ERICH5: variants seen among roughly 807,000 people sequenced by gnomAD.
The protein encoded by ERICH5 is glutamate-rich protein 5.
ERICH5 carries 24 observed loss-of-function variants against 28.0 expected under a neutral mutation model. The observed-to-expected ratio is 0.86, with a 90% CI of 0.62 to 1.21. The LOEUF is 1.21. ERICH5 is among the 50% of genes most tolerant of loss of function. The pLI is 0.00. For synonymous variants in ERICH5, 163 were observed against 157.6 expected (o/e 1.03, Z -0.25); for missense variants, 421 against 441.2 (o/e 0.95, Z 0.41).
chr8:98,084,816 A>G (rs546653217), intron 1 of ERICH5, among the ~76,000 whole-genome samples: 16 of 152,232 alleles, frequency 1.1e-4, no homozygotes, highest in South Asian at 1.0e-3. Flanking sequence ...AACTGTACAT[A>G]TTTATAGTGT....
rs1196774819 is a variant in ERICH5, at chr8:98,091,887, TCTTTCTTTCTTTC to T, written c.1013-1320_1013-1308del. On this transcript the variant is annotated intron_variant, in intron 2 of 2. Transcript: ENST00000318528. ...TTCTTTCTTTCTTTCTTTCTTTCTTTCTTTCTTTCTTTCCTTTCTTTCTTTCTTTCTTCCTTTC... is the reference window on the plus strand; with the variant it reads ...TTCTTTCTTTCTTTCTTTCTTTCTTTCTTTCTTTCTTTCTTTCTTCCTTTC... 1.2e-3 allele frequency among the ~76,000 whole-genome samples: 105 copies of T among 84,408 alleles called. 2 individuals are homozygous for T. The highest frequency in any genetic ancestry group is 4.8e-3 in the African/African-American group (94 of 19,388). 55.4% of individuals were successfully genotyped at this position (84,408 alleles called of 152,430 possible).
intron 1 of ERICH5, among the ~76,000 whole-genome samples, chr8:98,088,325 A>G (rs1815316423): frequency 6.6e-6 from 1 of 152,232 alleles, no homozygotes; most frequent in Admixed American, 6.5e-5. Context: ...TCTGAGATCA[A>G]TATGAAGGAG....
At chr8:98,064,945 C>T (rs910850621) in intron 1 of ERICH5, among the ~76,000 whole-genome samples, 1 of 152,322 alleles carries the variant, frequency 6.6e-6, no homozygotes, top group East Asian at 1.9e-4. Flanking sequence ...GTGCGCTCCG[C>T]GGCGCTCGCT....
At chr8:98,078,338 G>A (rs1355097898) in intron 1 of ERICH5, among the ~76,000 whole-genome samples, 3 of 152,162 alleles carry the variant, frequency 2.0e-5, no homozygotes, top group South Asian at 2.1e-4. Context: ...GGGTTGACTC[G>A]TGCTACATTC....
chr8:98,085,135 CCTTTTTTTTTTTTTTTTTTTTTT>C (rs1815250196), intron 1 of ERICH5, among the ~76,000 whole-genome samples: 1 of 109,196 alleles, frequency 9.2e-6, no homozygotes, highest in African/African-American at 3.1e-5. Flanking sequence ...CGTTCCACAG[CCTTTTTTTTTTTTTTTTTTTTTT>C]TTTTTTTTTT....
Position 98,087,159 on chromosome 8 carries a change from T to A in ERICH5, c.59-1917T>A, listed in dbSNP as rs568003911. 3.9e-5 allele frequency among the ~76,000 whole-genome samples: 6 copies of A among 152,014 alleles called. No homozygotes were observed. The South Asian group carries it at 1.2e-3, about 32-fold the overall frequency. On this transcript the variant is annotated intron_variant, in intron 1 of 2. Coordinates refer to ENST00000318528, the MANE Select transcript of ERICH5 (RefSeq NM_173549.3). ...GGAGTTTGAGATCAGCCTGGGCAAC[T>A]CGAACCACGTGGGACCACATCTCTA... is the stretch of plus-strand genomic sequence containing the variant.
At chr8:98,085,847 CAT>C (rs1046736538) in intron 1 of ERICH5, among the ~76,000 whole-genome samples, 1 of 152,150 alleles carries the variant, frequency 6.6e-6, no homozygotes, top group African/African-American at 2.4e-5. Flanking sequence ...ACACTCAACT[CAT>C]GTGTGACTTC....
chr8:98,073,762 C>T (rs573954389), intron 1 of ERICH5, among the ~76,000 whole-genome samples: 250 of 150,400 alleles, frequency 1.7e-3, no homozygotes, highest in African/African-American at 3.6e-3. Context: ...AGGCTGGCCT[C>T]GAACTCCTGA....
intron 1 of ERICH5, among the ~76,000 whole-genome samples, chr8:98,079,074 T>C (rs1815116922): frequency 6.6e-6 from 1 of 151,890 alleles, no homozygotes; most frequent in Admixed American, 6.6e-5. Context: ...AGCCACCAAG[T>C]TGTGCTTAAT....
At position 98,080,795 on chromosome 8, in the gene ERICH5, C is replaced by T. The variant is rs534192163; in HGVS notation, c.59-8281C>T. Among the ~76,000 whole-genome samples, 68 of 150,664 alleles carry T rather than the reference C, an allele frequency of 4.5e-4. 1 individual carries two copies. Among genetic ancestry groups the T allele is most frequent in the African/African-American group, 1.6e-3 (66 of 41,004 alleles). On this transcript the variant is annotated intron_variant, in intron 1 of 2. Transcript: ENST00000318528. ...TTGGCTCACTACAACCTCTGCCTCC[C>T]AGGTTTAGGCAATTCTCCAGCCTCA...
intron 2 of ERICH5, among the ~76,000 whole-genome samples, chr8:98,090,258 C>T (rs1815361041): frequency 6.6e-6 from 1 of 152,098 alleles, no homozygotes; most frequent in South Asian, 2.1e-4. Context: ...AAATTTTAAC[C>T]TAGTGTTTAA....
At chr8:98,090,109 GAC>G (rs947326940) in intron 2 of ERICH5, 80 bp downstream of exon 2, 2 of 1,041,328 alleles carry the variant, frequency 1.9e-6, no homozygotes, top group African/African-American at 3.2e-5. Context: ...TGGGGTGACT[GAC>G]ACACAGTCCC....
chr8:98,064,779 T>G, intron 1 of ERICH5, 52 bp downstream of exon 1: 2 of 1,477,814 alleles, frequency 1.4e-6, no homozygotes, highest in Non-Finnish European at 1.8e-6. Flanking sequence ...TCGGGTGGGC[T>G]AACTCCCCAG....
intron 2 of ERICH5, among the ~76,000 whole-genome samples, chr8:98,091,928 T>TCTTC (rs1815410574): frequency 1.5e-5 from 1 of 68,798 alleles, no homozygotes; most frequent in African/African-American, 5.5e-5. Context: ...TTCCTTTCTT[T>TCTTC]CTTTCTTCCT....
intron 1 of ERICH5, among the ~76,000 whole-genome samples, chr8:98,068,950 T>C (rs370656743): frequency 2.0e-5 from 3 of 152,210 alleles, no homozygotes; most frequent in African/African-American, 7.2e-5. Context: ...GTTATGTGAA[T>C]TGTTCTTTGT....
intron 1 of ERICH5, among the ~76,000 whole-genome samples, chr8:98,070,259 G>A (rs1448368338): frequency 6.6e-6 from 1 of 152,098 alleles, no homozygotes; most frequent in African/African-American, 2.4e-5. Context: ...GTGGACGCTC[G>A]AGCCTGTAAT....
intron 1 of ERICH5, among the ~76,000 whole-genome samples, chr8:98,069,439 T>A (rs1448386532): frequency 6.6e-6 from 1 of 152,158 alleles, no homozygotes; most frequent in Non-Finnish European, 1.5e-5. Context: ...ATTATTTCCT[T>A]CTCTCATCTT....
In ERICH5 at chr8:98,076,036, T is replaced by A. The variant is rs574980985; in HGVS notation, c.58+11309T>A. Among the ~76,000 whole-genome samples, 3 of 150,936 alleles carry A rather than the reference T, an allele frequency of 2.0e-5. No homozygotes were observed. The East Asian group carries it at 5.9e-4, about 30-fold the overall frequency. Reference sequence around the variant, plus strand: ...GTGGGTCTGTCCACCCCTCTTAGAGTGCAAAGCAGAGCAAGCATTTACGCT... The same window carrying A: ...GTGGGTCTGTCCACCCCTCTTAGAGAGCAAAGCAGAGCAAGCATTTACGCT... On this transcript the variant is annotated intron_variant, in intron 1 of 2. Coordinates refer to ENST00000318528, the MANE Select transcript of ERICH5 (RefSeq NM_173549.3).
At chr8:98,072,293 A>G (rs1171003881) in intron 1 of ERICH5, among the ~76,000 whole-genome samples, 3 of 152,166 alleles carry the variant, frequency 2.0e-5, no homozygotes, top group Admixed American at 6.5e-5. Flanking sequence ...TTGAAGTGTG[A>G]TGCACAAATA....
Sources: allele counts gnomAD v4.1 joint callset (sites outside exome capture counted in the v4.1 genomes callset), GRCh38; gene constraint gnomAD v4.1.1; transcripts MANE v1.5; gene names NCBI Gene and HGNC (gene_info 2026-07-23, HGNC 2026-07-21).